The following NPR3 variants were observed in gnomAD, a reference collection of about 807,000 sequenced individuals.
The protein encoded by NPR3 is natriuretic peptide receptor 3.
In NPR3, 34 loss-of-function variants were observed where a neutral mutation model predicts 54.5. The observed-to-expected ratio is 0.62, with a 90% CI of 0.47 to 0.83. The LOEUF (loss-of-function observed/expected upper bound fraction) is 0.83. Among genes scored for constraint, NPR3 ranks in the 40% least tolerant of loss-of-function variants. NPR3 has a pLI of 0.00. For missense variants in NPR3, 674 were observed against 720.8 expected, an observed-to-expected ratio of 0.94 and a Z score of 0.74; for synonymous variants, 289 against 297.1, an observed-to-expected ratio of 0.97 and a Z score of 0.28.
chr5:32,759,724 G>A (rs1442261068), intron 3 of NPR3, among the ~76,000 whole-genome samples: 2 of 152,216 alleles, frequency 1.3e-5, no homozygotes, highest in Non-Finnish European at 2.9e-5. Context: ...AATTTGGCAT[G>A]TTTTTGCAGT....
intron 1 of NPR3, among the ~76,000 whole-genome samples, chr5:32,721,053 A>G (rs753676093): frequency 2.6e-5 from 4 of 152,242 alleles, no homozygotes; most frequent in Non-Finnish European, 5.9e-5. Flanking sequence ...TCAATTAGGC[A>G]TGAGTGAGAC....
chr5:32,712,129 A>G lies in NPR3; in HGVS notation c.353A>G (p.Asp118Gly), dbSNP rs747876309. 6.2e-7 allele frequency: 1 copy of G among 1,613,362 alleles called. No homozygotes were observed. The highest frequency in any genetic ancestry group is 8.5e-7 in the Non-Finnish European group (1 of 1,179,744). The change falls in exon 1 of 8, where the codon GAC (aspartate) becomes GGC (glycine). Residue 118 changes from aspartate to glycine, a missense_variant. By Grantham distance (94) the Asp-to-Gly change is moderately conservative. Transcript: ENST00000265074. ...CGNRALFSLV[D>G]RVAAARGAKP... The stretch of plus-strand genomic sequence containing the variant: ...AACCGTGCGCTCTTCAGCTTGGTGG[A>G]CCGCGTGGCGGCGGCGCGGGGCGCC...
At chr5:32,756,797 G>T (rs935815383) in intron 3 of NPR3, among the ~76,000 whole-genome samples, 1 of 152,202 alleles carries the variant, frequency 6.6e-6, no homozygotes, top group African/African-American at 2.4e-5. Context: ...GTAAGGAAGT[G>T]ATCCAGTTTC....
chr5:32,718,772 T>C (rs936397693), intron 1 of NPR3, among the ~76,000 whole-genome samples: 6 of 152,220 alleles, frequency 3.9e-5, no homozygotes, highest in Non-Finnish European at 8.8e-5. Context: ...GTTTTCTAAA[T>C]ATACAGTCAT....
intron 3 of NPR3, among the ~76,000 whole-genome samples, chr5:32,767,826 A>C (rs908262601): frequency 2.0e-5 from 3 of 152,200 alleles, no homozygotes; most frequent in Non-Finnish European, 4.4e-5. Context: ...GGTGACTCAA[A>C]AAGTTCAAGG....
rs551879987 is a variant in NPR3, at chr5:32,764,604, A to G, written c.1060-10104A>G. 3.3e-3 allele frequency among the ~76,000 whole-genome samples: 498 copies of G among 151,978 alleles called. 1 individual carries two copies. The highest frequency in any genetic ancestry group is 0.017 in the Middle Eastern group (5 of 294). ...AAGGTTTGAGATTAGCCTGGCCAAC[A>G]TCGTGAAACCCTGTCTCTACCAAAA... On this transcript the variant is annotated intron_variant, in intron 3 of 7. Transcript: ENST00000265074.
intron 6 of NPR3, chr5:32,783,479 C>A (rs999846284): frequency 6.5e-6 from 1 of 153,782 alleles, no homozygotes; most frequent in African/African-American, 2.4e-5. Context: ...TACTTATGAG[C>A]AGCTTTGTAT....
intron 1 of NPR3, among the ~76,000 whole-genome samples, chr5:32,712,961 G>T (rs1460117323): frequency 2.6e-5 from 4 of 152,128 alleles, no homozygotes; most frequent in African/African-American, 7.2e-5. Context: ...GCCAGCGTGC[G>T]CCCCCACTTA....
chr5:32,740,328 G>A (rs989640231), intron 3 of NPR3, among the ~76,000 whole-genome samples: 4 of 152,218 alleles, frequency 2.6e-5, no homozygotes, highest in African/African-American at 9.6e-5. Flanking sequence ...AGCATTTAAC[G>A]CTATCCCTGT....
At chr5:32,775,879 A>C (rs1436162817) in intron 4 of NPR3, among the ~76,000 whole-genome samples, 1 of 152,188 alleles carries the variant, frequency 6.6e-6, no homozygotes, top group East Asian at 1.9e-4. Context: ...ATAACAGGGA[A>C]CTATAGGAAA....
At chr5:32,778,611 G>A (rs996274654) in intron 4 of NPR3, among the ~76,000 whole-genome samples, 1 of 152,184 alleles carries the variant, frequency 6.6e-6, no homozygotes, top group Admixed American at 6.5e-5. Context: ...TAAACTTTGA[G>A]CTCCACTACA....
At chr5:32,699,226 A>G (rs943768820) in intron 1 of NPR3, among the ~76,000 whole-genome samples, 7 of 152,258 alleles carry the variant, frequency 4.6e-5, no homozygotes, top group African/African-American at 1.2e-4. Context: ...CACTGATTGC[A>G]TAAACAAACT....
intron 2 of NPR3, among the ~76,000 whole-genome samples, chr5:32,735,624 C>T (rs189317554): frequency 1.2e-3 from 176 of 152,236 alleles, no homozygotes; most frequent in African/African-American, 4.0e-3. Context: ...TTGGTGTCTC[C>T]CCCACCCTAA....
rs572188367 is a variant in NPR3 at position 32,703,397 on chromosome 5, C to G, written c.100+14211C>G. On this transcript the variant is annotated intron_variant, in intron 1 of 5. Transcript: ENST00000509104. ...GAGACAAAGCCCCCTTTACTATTCC[C>G]TTTCCTTTTCTCAAGCAGAAGGAGT... 2.6e-5 allele frequency among the ~76,000 whole-genome samples: 4 copies of G among 151,404 alleles called. No individual in the cohort carries two copies. In the East Asian group the frequency reaches 7.8e-4, roughly 30 times the overall value.
At chr5:32,723,146 A>T (rs1195491896) in intron 1 of NPR3, among the ~76,000 whole-genome samples, 1 of 152,202 alleles carries the variant, frequency 6.6e-6, no homozygotes, top group Non-Finnish European at 1.5e-5. Flanking sequence ...AAGAACATAC[A>T]CATCTTGGAG....
chr5:32,764,865 C>A (rs894706025), intron 3 of NPR3, among the ~76,000 whole-genome samples: 1 of 138,260 alleles, frequency 7.2e-6, no homozygotes, highest in Non-Finnish European at 1.5e-5. Context: ...TAATCTGATA[C>A]AAACTATGCC....
At chr5:32,716,616 C>T (rs533963299) in intron 1 of NPR3, 5 of 287,394 alleles carry the variant, frequency 1.7e-5, no homozygotes, top group South Asian at 1.3e-4. Context: ...ATAGCTAGAC[C>T]CCATCTCTTA....
chr5:32,728,835 G>A (rs1673940), intron 2 of NPR3, among the ~76,000 whole-genome samples: 12,011 of 57,278 alleles, frequency 0.21, 1,436 homozygotes, highest in Middle Eastern at 0.26. Context: ...GTGTGTGTGT[G>A]TGTATATATA....
chr5:32,766,678 G>T (rs1741488603), intron 3 of NPR3, among the ~76,000 whole-genome samples: 1 of 152,036 alleles, frequency 6.6e-6, no homozygotes. Flanking sequence ...TATCACTCCA[G>T]AACAAAGACC....
Sources: allele counts gnomAD v4.1 joint callset (sites outside exome capture counted in the v4.1 genomes callset), GRCh38; gene constraint gnomAD v4.1.1; transcripts MANE v1.5; gene names NCBI Gene and HGNC (gene_info 2026-07-23, HGNC 2026-07-21).